The following SNX29 variants were observed in gnomAD, a reference collection of about 807,000 sequenced individuals.
SNX29 encodes sorting nexin 29, also known as sorting nexin-29.
Under a neutral mutation model 102.1 loss-of-function variants are expected in SNX29, and 78 were observed. That is an observed-to-expected ratio of 0.76 (90% CI 0.64 to 0.92). SNX29 has a LOEUF of 0.92. SNX29 is among the 40% of genes least tolerant of loss of function. The pLI is 0.00. For synonymous variants in SNX29, 580 were observed against 414.5 expected, an observed-to-expected ratio of 1.40 and a Z score of -4.85; for missense variants, 1,280 against 1,061.7, an observed-to-expected ratio of 1.21 and a Z score of -2.86.
intron 20 of SNX29, among the ~76,000 whole-genome samples, chr16:12,567,450 T>C (rs1449493497): frequency 6.6e-6 from 1 of 152,212 alleles, no homozygotes; most frequent in Non-Finnish European, 1.5e-5. Flanking sequence ...AGCCCCAGAA[T>C]TTATGTGTCC....
chr16:12,394,668 G>T (rs974050351), intron 16 of SNX29, among the ~76,000 whole-genome samples: 1 of 152,188 alleles, frequency 6.6e-6, no homozygotes, highest in Non-Finnish European at 1.5e-5. Flanking sequence ...CTTCAGATGG[G>T]ATTATTGATC....
chr16:12,489,962 T>C (rs2088459493), intron 19 of SNX29, among the ~76,000 whole-genome samples: 2 of 152,132 alleles, frequency 1.3e-5, no homozygotes, highest in African/African-American at 2.4e-5. Flanking sequence ...TGCACCACCA[T>C]GCATGGCTAA....
chr16:12,229,839 A>C (rs2142186809), intron 14 of SNX29, among the ~76,000 whole-genome samples: 1 of 152,290 alleles, frequency 6.6e-6, no homozygotes, highest in South Asian at 2.1e-4. Flanking sequence ...TCACTCAGGT[A>C]GCTCAGCTCT....
chr16:12,224,278 T>A (rs752361814), intron 14 of SNX29, among the ~76,000 whole-genome samples: 1 of 152,140 alleles, frequency 6.6e-6, no homozygotes, highest in Non-Finnish European at 1.5e-5. Context: ...TCCTTTCCTC[T>A]CCTTCCTCCC....
chr16:12,513,188 C>G (rs958648685), intron 19 of SNX29, among the ~76,000 whole-genome samples: 12 of 151,534 alleles, frequency 7.9e-5, no homozygotes, highest in East Asian at 7.8e-4. Flanking sequence ...CATACCTTTC[C>G]TCCCTCTCCC....
At chr16:12,337,043 G>A (rs1441832342) in intron 15 of SNX29, among the ~76,000 whole-genome samples, 1 of 152,208 alleles carries the variant, frequency 6.6e-6, no homozygotes, top group Non-Finnish European at 1.5e-5. Context: ...AGGCCTGGGA[G>A]ATGTTTTCTC....
At chr16:12,527,777 T>G (rs1004523177) in intron 20 of SNX29, among the ~76,000 whole-genome samples, 1 of 152,166 alleles carries the variant, frequency 6.6e-6, no homozygotes, top group African/African-American at 2.4e-5. Context: ...CTTATTTTAT[T>G]TAGCCAGTAT....
chr16:12,303,606 G>T (rs2080250557), intron 15 of SNX29, among the ~76,000 whole-genome samples: 1 of 152,196 alleles, frequency 6.6e-6, no homozygotes, highest in Admixed American at 6.5e-5. Flanking sequence ...TAAAAATTAG[G>T]GTTGTGATCA....
chr16:12,301,736 G>C (rs1455569947), intron 15 of SNX29, among the ~76,000 whole-genome samples: 3 of 152,214 alleles, frequency 2.0e-5, no homozygotes, highest in Non-Finnish European at 2.9e-5. Flanking sequence ...CTCTGCATGA[G>C]ATAGGCACTA....
intron 18 of SNX29, among the ~76,000 whole-genome samples, chr16:12,464,347 T>C (rs545012703): frequency 1.3e-5 from 2 of 152,274 alleles, no homozygotes; most frequent in South Asian, 2.1e-4. Flanking sequence ...ACACCTAGTT[T>C]GTTTCCATAT....
At chr16:12,224,284 C>T (rs2077553074) in intron 14 of SNX29, among the ~76,000 whole-genome samples, 1 of 152,150 alleles carries the variant, frequency 6.6e-6, no homozygotes, top group Non-Finnish European at 1.5e-5. Context: ...CCTCTCCTTC[C>T]TCCCTCCTTC....
rs770302633 is a variant in SNX29, at chr16:12,571,204, C to T, written c.*2575C>T. 4.3e-6 allele frequency: 1 copy of T among 232,342 alleles called. No individual in the cohort carries two copies. The highest frequency in any genetic ancestry group is 1.8e-4 in the South Asian group (1 of 5,522). 14.4% of individuals were successfully genotyped at this position (232,342 alleles called of 1,614,324 possible). On this transcript the variant is annotated 3_prime_UTR_variant, in exon 21 of 21. Coordinates refer to ENST00000566228, the MANE Select transcript of SNX29 (RefSeq NM_032167.5). The stretch of plus-strand genomic sequence containing the variant: ...GGTGGGATGAACTTCAGGCAACAAA[C>T]AACTGGCAGGGTTCCCAGTTCCTGG...
At chr16:12,350,286 T>G (rs1053086151) in intron 15 of SNX29, among the ~76,000 whole-genome samples, 6 of 152,228 alleles carry the variant, frequency 3.9e-5, no homozygotes, top group African/African-American at 1.2e-4. Flanking sequence ...TACAGACTTT[T>G]TTCCTTCTCT....
intron 18 of SNX29, among the ~76,000 whole-genome samples, chr16:12,405,981 G>A (rs574603630): frequency 5.1e-4 from 77 of 151,956 alleles, no homozygotes; most frequent in African/African-American, 1.6e-3. Flanking sequence ...GCAGTGAGCC[G>A]AGATCGCACC....
In SNX29 at chr16:12,513,376, C is replaced by G. The variant is rs182193461; in HGVS notation, c.2179-11326C>G. On this transcript the variant is annotated intron_variant, in intron 19 of 20. Transcript: ENST00000566228. The stretch of plus-strand genomic sequence containing the variant: ...CTCTTCTCCTCAGCCTTCCTCTGCC[C>G]TGCCCTGCTCTCCCTTCCCCTCCCC... 2.9e-3 allele frequency among the ~76,000 whole-genome samples: 435 copies of G among 151,276 alleles called. 2 individuals carry two copies. The highest frequency in any genetic ancestry group is 2.4e-3 in the Non-Finnish European group (160 of 67,814).
chr16:12,488,224 A>G (rs1218878295), intron 19 of SNX29, among the ~76,000 whole-genome samples: 1 of 151,950 alleles, frequency 6.6e-6, no homozygotes, highest in Non-Finnish European at 1.5e-5. Context: ...CATCCTGCAT[A>G]TTTTCTAGGT....
At chr16:12,299,804 A>G (rs894442580) in intron 15 of SNX29, among the ~76,000 whole-genome samples, 20 of 145,196 alleles carry the variant, frequency 1.4e-4, no homozygotes, top group African/African-American at 4.2e-4. Flanking sequence ...TTTTTACTTA[A>G]CTACCTTGAT....
intron 3 of SNX29, among the ~76,000 whole-genome samples, chr16:12,022,922 A>G (rs1335955009): frequency 7.0e-6 from 1 of 143,080 alleles, no homozygotes; most frequent in East Asian, 2.0e-4. Context: ...TTTGAGACCA[A>G]GTCTCTCTCT....
At chr16:12,474,612 C>G (rs1217002767) in intron 18 of SNX29, among the ~76,000 whole-genome samples, 4 of 152,200 alleles carry the variant, frequency 2.6e-5, no homozygotes, top group African/African-American at 9.7e-5. Flanking sequence ...GAATTTATCA[C>G]TCACAGGAGA....
Sources: allele counts gnomAD v4.1 joint callset (sites outside exome capture counted in the v4.1 genomes callset), GRCh38; gene constraint gnomAD v4.1.1; transcripts MANE v1.5; gene names NCBI Gene and HGNC (gene_info 2026-07-23, HGNC 2026-07-21).